The following CREB5 variants were observed in gnomAD, a reference collection of about 807,000 sequenced individuals.
CREB5 encodes cyclic AMP-responsive element-binding protein 5.
Under a neutral mutation model 57.1 loss-of-function variants are expected in CREB5, and 19 were observed. The ratio of observed to expected loss-of-function variants is 0.33; its 90% CI spans 0.23 to 0.49. The LOEUF (loss-of-function observed/expected upper bound fraction) is 0.49, where lower values mean the gene tolerates loss of function less well. Among genes scored for constraint, CREB5 ranks in the 20% least tolerant of loss-of-function variants. CREB5 has a pLI of 0.99. For missense variants in CREB5, 579 were observed against 671.6 expected (o/e 0.86, Z 1.52); for synonymous variants, 238 against 238.3 (o/e 1.00, Z 0.01).
chr7:28,557,241 T>G (rs1794916116), intron 4 of CREB5, among the ~76,000 whole-genome samples: 2 of 128,414 alleles, frequency 1.6e-5, no homozygotes, highest in African/African-American at 2.8e-5. Flanking sequence ...TCACCTTCTT[T>G]CTGTTTGAGT....
chr7:28,529,975 C>T lies in CREB5; in HGVS notation c.291+22238C>T, dbSNP rs183408039. ...CTTGCAAAATTATCTCTTATCATCA[C>T]AGCTCCATGAGGCAGGTTTTATCAC... On this transcript the variant is annotated intron_variant, in intron 4 of 10. Coordinates refer to ENST00000357727, the MANE Select transcript of CREB5 (RefSeq NM_182898.4). 1.9e-3 allele frequency among the ~76,000 whole-genome samples: 287 copies of T among 152,306 alleles called. 1 individual carries two copies. Among genetic ancestry groups the T allele is most frequent in the Admixed American group, 4.9e-3 (75 of 15,310 alleles).
intron 5 of CREB5, among the ~76,000 whole-genome samples, chr7:28,593,896 G>A (rs1796609319): frequency 6.6e-6 from 1 of 152,174 alleles, no homozygotes; most frequent in South Asian, 2.1e-4. Context: ...AAAACTATAG[G>A]AAGAAACTTT....
At chr7:28,580,562 T>TGG (rs1554347527) in intron 5 of CREB5, among the ~76,000 whole-genome samples, 2 of 136,990 alleles carry the variant, frequency 1.5e-5, no homozygotes, top group Non-Finnish European at 3.3e-5. Flanking sequence ...CAAATTGGTG[T>TGG]GTGTGTGTGT....
chr7:28,464,434 A>T (rs1368733940), intron 1 of CREB5, among the ~76,000 whole-genome samples: 1 of 149,450 alleles, frequency 6.7e-6, no homozygotes, highest in East Asian at 2.0e-4. Flanking sequence ...TTCTTCTGTA[A>T]ATATTTGGTA....
chr7:28,356,291 T>C (rs7799688), intron 1 of CREB5, among the ~76,000 whole-genome samples: 19,097 of 152,288 alleles, frequency 0.13, 1,330 homozygotes, highest in Middle Eastern at 0.16. Context: ...GGATTTCCAC[T>C]TCCACAGCTG....
At chr7:28,768,208 C>A (rs1052878371) in intron 7 of CREB5, among the ~76,000 whole-genome samples, 2 of 152,026 alleles carry the variant, frequency 1.3e-5, no homozygotes, top group South Asian at 4.1e-4. Context: ...TCTGTTTCCT[C>A]AGAAGGGAAA....
intron 5 of CREB5, among the ~76,000 whole-genome samples, chr7:28,717,566 G>A (rs1802766702): frequency 6.6e-6 from 1 of 152,156 alleles, no homozygotes; most frequent in African/African-American, 2.4e-5. Context: ...CTCTGGTTGG[G>A]AGCACTAGAC....
intron 4 of CREB5, among the ~76,000 whole-genome samples, chr7:28,560,866 C>CGCGCGTGTGCG (rs1562797336): frequency 6.0e-5 from 3 of 50,292 alleles, no homozygotes; most frequent in African/African-American, 1.4e-4. Context: ...GTGCGTGTGC[C>CGCGCGTGTGCG]TGCGTGCGCG....
At chr7:28,553,705 G>A (rs1794759736) in intron 4 of CREB5, among the ~76,000 whole-genome samples, 1 of 152,212 alleles carries the variant, frequency 6.6e-6, no homozygotes, top group South Asian at 2.1e-4. Flanking sequence ...AGGACAAACT[G>A]TCAGAATGAA....
chr7:28,407,393 A>C (rs1179440771), intron 1 of CREB5, among the ~76,000 whole-genome samples: 1 of 152,182 alleles, frequency 6.6e-6, no homozygotes, highest in Non-Finnish European at 1.5e-5. Flanking sequence ...TCTTAACTCG[A>C]GTCGCTGTAG....
intron 4 of CREB5, among the ~76,000 whole-genome samples, chr7:28,530,582 C>T (rs563888261): frequency 6.6e-6 from 1 of 152,338 alleles, no homozygotes; most frequent in African/African-American, 2.4e-5. Flanking sequence ...AAGTTCAATA[C>T]AGATGAAGGA....
intron 4 of CREB5, among the ~76,000 whole-genome samples, chr7:28,527,691 C>T (rs180978034): frequency 3.9e-5 from 6 of 152,248 alleles, no homozygotes. Flanking sequence ...CATGGTGGTG[C>T]ATGCCTGTAT....
chr7:28,462,370 G>A (rs922187378), intron 1 of CREB5, among the ~76,000 whole-genome samples: 2 of 152,182 alleles, frequency 1.3e-5, no homozygotes, highest in African/African-American at 4.8e-5. Flanking sequence ...ATGCTGCCAT[G>A]AACATCGATG....
intron 5 of CREB5, among the ~76,000 whole-genome samples, chr7:28,653,938 CTT>C (rs1799236958): frequency 6.6e-6 from 1 of 152,178 alleles, no homozygotes; most frequent in Non-Finnish European, 1.5e-5. Flanking sequence ...GTTTGAATTT[CTT>C]TTGGATCCAG....
chr7:28,522,226 G>A (rs181431644), intron 4 of CREB5, among the ~76,000 whole-genome samples: 10 of 152,178 alleles, frequency 6.6e-5, no homozygotes, highest in Non-Finnish European at 8.8e-5. Flanking sequence ...TGTGTTTCCC[G>A]CTACTTCAGA....
intron 7 of CREB5, among the ~76,000 whole-genome samples, chr7:28,775,846 AC>A (rs1193816028): frequency 3.9e-5 from 6 of 151,900 alleles, no homozygotes; most frequent in Non-Finnish European, 8.8e-5. Context: ...TATACTTTTT[AC>A]CCTCTGCCTA....
In CREB5 at chr7:28,412,594, T is replaced by A. The variant is rs1263190799; in HGVS notation, c.-321T>A. 7.9e-6 allele frequency: 2 copies of A among 254,118 alleles called. No individual in the cohort carries two copies. The highest frequency in any genetic ancestry group is 7.1e-5 in the East Asian group (1 of 14,086). 15.7% of individuals were successfully genotyped at this position (254,118 alleles called of 1,614,324 possible). A position where few individuals can be genotyped will look rare whatever the true frequency, so the allele number is the denominator to read the frequency against. On this transcript the variant is annotated 5_prime_UTR_variant, in exon 1 of 11. Transcript: ENST00000357727. Reference sequence around the variant, plus strand: ...CAGTTCCACAAATTTTTAGTCACATTTTCCATGTCAGTTAAATCTAGGGAG... The same window carrying A: ...CAGTTCCACAAATTTTTAGTCACATATTCCATGTCAGTTAAATCTAGGGAG...
At chr7:28,769,255 G>A (rs150515586) in intron 7 of CREB5, among the ~76,000 whole-genome samples, 71 of 152,238 alleles carry the variant, frequency 4.7e-4, no homozygotes, top group African/African-American at 1.4e-3. Context: ...TGTAAAAAAC[G>A]TGTCCTAGAC....
rs894511825 is a variant in CREB5 at position 28,673,289 on chromosome 7, C to T, written c.465-45464C>T. On this transcript the variant is annotated intron_variant, in intron 5 of 10. Coordinates refer to ENST00000357727, the MANE Select transcript of CREB5 (RefSeq NM_182898.4). The stretch of plus-strand genomic sequence containing the variant: ...CATCACACATTCTAAAAGGACCTCC[C>T]CATTTTAAAACCTGTCCCAGGATAC... 3.3e-5 allele frequency among the ~76,000 whole-genome samples: 5 copies of T among 152,268 alleles called. No individual in the cohort carries two copies. The East Asian group carries it at 5.8e-4, about 18-fold the overall frequency.
Sources: gnomAD v4.1 joint callset for allele counts (sites outside exome capture counted in the v4.1 genomes callset) on GRCh38, gnomAD v4.1.1 for gene constraint, MANE v1.5 for transcripts, NCBI Gene and HGNC (gene_info 2026-07-23, HGNC 2026-07-21) for gene names.